GAB3: variants seen among roughly 807,000 people sequenced by gnomAD.
The protein encoded by GAB3 is GRB2 associated binding protein 3, also known as GRB2-associated-binding protein 3.
A neutral mutation model predicts 40.4 loss-of-function variants in GAB3; 12 were observed. The observed-to-expected ratio is 0.30, with a 90% confidence interval of 0.19 to 0.48. The LOEUF is 0.48. GAB3 is among the 20% of genes least tolerant of loss of function. GAB3 has a pLI of 0.99. For missense variants in GAB3, 381 were observed against 461.9 expected (o/e 0.82, Z 1.61); for synonymous variants, 154 against 176.7 (o/e 0.87, Z 1.02).
chrX:154,690,465 TCAGAGTGAA>T (rs1276834325), intron 8 of GAB3, among the ~76,000 whole-genome samples: 6 of 111,517 alleles, frequency 5.4e-5, no homozygotes, highest in Non-Finnish European at 1.1e-4. Context: ...GAAACTACCA[TCAGAGTGAA>T]CAGGCAACCT....
intron 8 of GAB3, among the ~76,000 whole-genome samples, chrX:154,681,941 G>A (rs1244616028): frequency 8.9e-6 from 1 of 111,861 alleles, no homozygotes; most frequent in Non-Finnish European, 1.9e-5. Flanking sequence ...AAAAATCTCT[G>A]TTAGGGAATT....
chrX:154,743,700 C>G (rs1557261605), intron 1 of GAB3, among the ~76,000 whole-genome samples: 1 of 110,330 alleles, frequency 9.1e-6, no homozygotes, highest in Non-Finnish European at 1.9e-5. Flanking sequence ...ATTTACACTC[C>G]AGGGTAACTG....
chrX:154,693,635 C>G (rs1438823948), intron 8 of GAB3, among the ~76,000 whole-genome samples: 1 of 111,556 alleles, frequency 9.0e-6, no homozygotes, highest in African/African-American at 3.3e-5. Context: ...GATTTTGGAA[C>G]CGTTGTGTAC....
intron 8 of GAB3, among the ~76,000 whole-genome samples, chrX:154,681,796 A>G (rs1557246849): frequency 8.9e-6 from 1 of 111,823 alleles, no homozygotes; most frequent in East Asian, 2.8e-4. Flanking sequence ...GGATTTTAAT[A>G]TTGTATATGG....
chrX:154,734,060 C>T (rs1557260263), intron 1 of GAB3, among the ~76,000 whole-genome samples: 1 of 112,143 alleles, frequency 8.9e-6, no homozygotes, highest in Non-Finnish European at 1.9e-5. Flanking sequence ...CTGTTTAAAC[C>T]TCAGTTTAAC....
In GAB3 at chrX:154,713,281, A is replaced by T; in HGVS notation, c.522T>A (p.Ser174Arg). The change falls in exon 3 of 10, where the codon AGT becomes AGA. Residue 174 changes from serine (S) to arginine (R), a missense_variant. Around this residue, in one of 2 missense-constraint regions of GAB3, gnomAD observed 364 missense variants for 421.0 expected, o/e 0.86. Transcript: ENST00000424127. ...CTGGAAGGAAGAGAAGCTCTGACTCACTTCTGGTTTCCTCAGTGGCTACGG... is the reference window on the plus strand; with the variant it reads ...CTGGAAGGAAGAGAAGCTCTGACTCTCTTCTGGTTTCCTCAGTGGCTACGG... Reference protein sequence around the residue: ...TNAVATEETRSESELLFLPDY... With the variant: ...TNAVATEETRRESELLFLPDY... 1 of 1,210,609 alleles carries T rather than the reference A, an allele frequency of 8.3e-7. No individual in the cohort carries two copies. Among genetic ancestry groups the T allele is most frequent in the Non-Finnish European group, 1.1e-6 (1 of 894,944 alleles).
intron 1 of GAB3, among the ~76,000 whole-genome samples, chrX:154,744,212 C>CAAAAAAA (rs56796528): frequency 3.3e-5 from 1 of 30,559 alleles, no homozygotes; most frequent in Non-Finnish European, 4.4e-5. Context: ...GATTCCATCT[C>CAAAAAAA]AAAAAAAAAA....
At chrX:154,708,153 G>A (rs898656100) in intron 4 of GAB3, among the ~76,000 whole-genome samples, 9 of 111,598 alleles carry the variant, frequency 8.1e-5, no homozygotes, top group Non-Finnish European at 1.3e-4. Flanking sequence ...AATTGTGTTG[G>A]GAAAACTGGA....
In GAB3 at chrX:154,713,741, A is replaced by G. The variant is rs1232725620; in HGVS notation, c.377-315T>C. 4.2e-4 allele frequency among the ~76,000 whole-genome samples: 23 copies of G among 55,257 alleles called. 1 individual carries two copies. The highest frequency in any genetic ancestry group is 4.3e-4 in the Non-Finnish European group (13 of 30,412). The allele number at this position is 55,257 out of a possible 115,157, so 48.0% of individuals were successfully genotyped here. A position where few individuals can be genotyped will look rare whatever the true frequency, so the allele number is the denominator to read the frequency against. ...CATTGTTTTTTCACTCAACTAACAA[A>G]CATATATATATATATATATATATAT... is the stretch of plus-strand genomic sequence containing the variant. On this transcript the variant is annotated intron_variant, in intron 2 of 9. Coordinates refer to ENST00000424127, the MANE Select transcript of GAB3 (RefSeq NM_001081573.3).
At chrX:154,748,811 G>A (rs782355349) in intron 1 of GAB3, among the ~76,000 whole-genome samples, 1 of 112,124 alleles carries the variant, frequency 8.9e-6, no homozygotes, top group South Asian at 3.7e-4. Flanking sequence ...GGCCTAGTTC[G>A]GAGTTAGCGC....
intron 1 of GAB3, among the ~76,000 whole-genome samples, chrX:154,723,065 A>C (rs782029594): frequency 9.0e-6 from 1 of 111,067 alleles, no homozygotes; most frequent in African/African-American, 3.3e-5. Flanking sequence ...TCTTTAGTAG[A>C]AATGGGGTTT....
chrX:154,699,933 A>T, intron 5 of GAB3, 71 bp downstream of exon 5: 1 of 849,747 alleles, frequency 1.2e-6, no homozygotes, highest in African/African-American at 2.0e-5. Context: ...TAAAGATTTC[A>T]AGGGAATATA....
chrX:154,716,808 G>A (rs1314187660), intron 1 of GAB3, among the ~76,000 whole-genome samples: 2 of 111,828 alleles, frequency 1.8e-5, no homozygotes, highest in Non-Finnish European at 3.8e-5. Flanking sequence ...GGCCAAGAAG[G>A]AAAATCATAC....
chrX:154,751,530 G>A (rs1280774236), upstream of GAB3: 3 of 745,993 alleles, frequency 4.0e-6, no homozygotes, highest in African/African-American at 7.0e-5. Flanking sequence ...AGAAACAAAA[G>A]CAAGACTCCT....
chrX:154,697,302 T>A lies in GAB3; in HGVS notation c.1346-89A>T, dbSNP rs1352329697. 1.3e-5 allele frequency: 8 copies of A among 611,222 alleles called. No homozygotes were observed. The African/African-American group carries it at 1.9e-4, about 14-fold the overall frequency. The allele number at this position is 611,222 out of a possible 1,213,427, so 50.4% of individuals were successfully genotyped here. A position where few individuals can be genotyped will look rare whatever the true frequency, so the allele number is the denominator to read the frequency against. ...CATTTCACTTTCCCAGCACACCAAA[T>A]CCACATTTACTAACAGGCAGCACTG... On this transcript the variant is annotated intron_variant, in intron 6 of 9. Transcript: ENST00000424127.
At chrX:154,734,203 A>G (rs1452944129) in intron 1 of GAB3, among the ~76,000 whole-genome samples, 15 of 112,885 alleles carry the variant, frequency 1.3e-4, no homozygotes, top group Non-Finnish European at 1.3e-4. Flanking sequence ...AGCCTCTAAC[A>G]GGAAGTCATG....
At chrX:154,751,107 G>GGCCCAGCGCCCGCCC (rs2071609801), upstream of GAB3, 1 of 749,257 alleles carries the variant, frequency 1.3e-6, no homozygotes, top group Middle Eastern at 7.5e-4. Context: ...CGGCGGGGCG[G>GGCCCAGCGCCCGCCC]GCCCAGCGCC....
At chrX:154,746,362 A>G (rs181533018) in intron 1 of GAB3, among the ~76,000 whole-genome samples, 1 of 112,446 alleles carries the variant, frequency 8.9e-6, no homozygotes, top group East Asian at 2.8e-4. Context: ...AAATCCAGAA[A>G]TATATGAAAA....
At chrX:154,725,034 G>T (rs1557259251) in intron 1 of GAB3, among the ~76,000 whole-genome samples, 1 of 111,402 alleles carries the variant, frequency 9.0e-6, no homozygotes, top group African/African-American at 3.3e-5. Flanking sequence ...AGGGGAAATT[G>T]GAACACAGAG....
Sources: allele counts gnomAD v4.1 joint callset (sites outside exome capture counted in the v4.1 genomes callset), GRCh38; gene constraint gnomAD v4.1.1; regional missense constraint gnomAD v4.1.1; transcripts MANE v1.5; gene names NCBI Gene and HGNC (gene_info 2026-07-23, HGNC 2026-07-21).